CNTN1: variants seen among roughly 807,000 people sequenced by gnomAD.
CNTN1 encodes the protein contactin 1.
Under a neutral mutation model 126.4 loss-of-function variants are expected in CNTN1, and 38 were observed. The observed-to-expected ratio is 0.30, with a 90% CI of 0.23 to 0.39. CNTN1 has a LOEUF of 0.39. CNTN1 is among the 10% of genes least tolerant of loss of function. CNTN1 has a pLI of 1.00. For missense variants in CNTN1, 1,009 were observed against 1,248.4 expected (o/e 0.81, Z 2.89); for synonymous variants, 413 against 422.6 (o/e 0.98, Z 0.28).
intron 16 of CNTN1, among the ~76,000 whole-genome samples, chr12:40,981,406 C>T (rs753777440): frequency 5.3e-5 from 8 of 152,022 alleles, no homozygotes; most frequent in Non-Finnish European, 1.0e-4. Flanking sequence ...GCATTTATAG[C>T]ATAGTATTTA....
At chr12:40,925,226 A>G (rs1325922518) in intron 6 of CNTN1, among the ~76,000 whole-genome samples, 3 of 151,914 alleles carry the variant, frequency 2.0e-5, no homozygotes, top group Admixed American at 6.6e-5. Context: ...AAAAGCCACC[A>G]AAGTGCTAAT....
At chr12:40,956,119 G>T (rs1471172964) in intron 14 of CNTN1, among the ~76,000 whole-genome samples, 1 of 152,080 alleles carries the variant, frequency 6.6e-6, no homozygotes, top group Non-Finnish European at 1.5e-5. Context: ...TAGCTGAAAA[G>T]AAGTGAATAC....
At position 41,067,777 on chromosome 12, in the gene CNTN1, A is replaced by T. The variant is rs527404359; in HGVS notation, c.2981-2182A>T. Reference sequence around the variant, plus strand: ...AACTTAAAGTATAATAAAAAAAAAAAGGCTTCAGGATGGATCATTTACACT... The same window carrying T: ...AACTTAAAGTATAATAAAAAAAAAATGGCTTCAGGATGGATCATTTACACT... On this transcript the variant is annotated intron_variant, in intron 23 of 23. Coordinates refer to ENST00000551295, the MANE Select transcript of CNTN1 (RefSeq NM_001843.4). Among the ~76,000 whole-genome samples, 187 of 151,700 alleles carry T rather than the reference A, an allele frequency of 1.2e-3. 2 individuals are homozygous for T. In the East Asian group the frequency reaches 0.021, roughly 17 times the overall value.
At chr12:41,057,019 T>TATTTATAATATTTA (rs1357240332) in intron 23 of CNTN1, among the ~76,000 whole-genome samples, 1 of 63,430 alleles carries the variant, frequency 1.6e-5, no homozygotes, top group African/African-American at 1.1e-4. Flanking sequence ...TATTTATAAA[T>TATTTATAATATTTA]GATATTTATA....
intron 1 of CNTN1, among the ~76,000 whole-genome samples, chr12:40,796,170 C>G (rs1940418399): frequency 6.6e-6 from 1 of 151,966 alleles, no homozygotes; most frequent in Admixed American, 6.6e-5. Flanking sequence ...GGTTTCTAAG[C>G]ACAGGAGGCT....
At position 41,011,206 on chromosome 12, in the gene CNTN1, G is replaced by A. The variant is rs184332356; in HGVS notation, c.2114-3022G>A. 3.9e-3 allele frequency among the ~76,000 whole-genome samples: 595 copies of A among 152,220 alleles called. 5 individuals are homozygous for A. The highest frequency in any genetic ancestry group is 3.5e-3 in the Non-Finnish European group (235 of 68,012). On this transcript the variant is annotated intron_variant, in intron 17 of 23. Coordinates refer to ENST00000551295, the MANE Select transcript of CNTN1 (RefSeq NM_001843.4). Reference sequence around the variant, plus strand: ...AACTTGAGGTGACCCCAAATAACGGGGATTCTCAGATGGCTCCTCTGGAAG... The same window carrying A: ...AACTTGAGGTGACCCCAAATAACGGAGATTCTCAGATGGCTCCTCTGGAAG...
intron 1 of CNTN1, among the ~76,000 whole-genome samples, chr12:40,822,146 A>ATTTTTTTTTTTT (rs1315956279): frequency 2.4e-5 from 2 of 81,888 alleles, no homozygotes; most frequent in East Asian, 5.0e-4. Flanking sequence ...CAAAATATAA[A>ATTTTTTTTTTTT]TCTTTTTTTT....
rs1375608612 is a variant in CNTN1 at position 40,993,208 on chromosome 12, C to T, written c.2052C>T (p.Thr684=). Residue 684 remains threonine (T), a synonymous_variant, in exon 17 of 24, where the codon ACC becomes ACT. Coordinates refer to ENST00000551295, the MANE Select transcript of CNTN1 (RefSeq NM_001843.4). ...WMEYEFRVVA[T]NTLGRGEPSI... is the part of the protein sequence containing the mutation. The stretch of plus-strand genomic sequence containing the variant: ...AGTATGAATTCCGCGTGGTAGCAAC[C>T]AATACACTGGGTAGAGGAGAGCCCA... 3.1e-6 allele frequency: 5 copies of T among 1,613,594 alleles called. No homozygotes were observed. Among genetic ancestry groups the T allele is most frequent in the Non-Finnish European group, 4.2e-6 (5 of 1,179,722 alleles).
chr12:40,956,060 T>A (rs1320523061), intron 14 of CNTN1, among the ~76,000 whole-genome samples: 1 of 152,114 alleles, frequency 6.6e-6, no homozygotes, highest in Non-Finnish European at 1.5e-5. Context: ...GTTTAGTAAA[T>A]GCTGTCACTG....
chr12:40,798,827 T>C (rs771391641), intron 1 of CNTN1, among the ~76,000 whole-genome samples: 3 of 151,956 alleles, frequency 2.0e-5, no homozygotes, highest in African/African-American at 4.8e-5. Flanking sequence ...AAATAATCTG[T>C]ACAGCAAATC....
At chr12:40,827,778 G>A (rs750421406) in intron 1 of CNTN1, among the ~76,000 whole-genome samples, 20 of 151,860 alleles carry the variant, frequency 1.3e-4, no homozygotes, top group East Asian at 1.9e-4. Context: ...TAAACCAATC[G>A]TGGAGCTCCA....
chr12:40,777,631 A>G (rs986694422), intron 1 of CNTN1, among the ~76,000 whole-genome samples: 5 of 151,872 alleles, frequency 3.3e-5, no homozygotes, highest in Non-Finnish European at 5.9e-5. Flanking sequence ...ACTGCCATCT[A>G]TGGGAAAAAG....
chr12:40,766,830 C>A (rs1268082260), intron 1 of CNTN1, among the ~76,000 whole-genome samples: 1 of 152,134 alleles, frequency 6.6e-6, no homozygotes, highest in South Asian at 2.1e-4. Flanking sequence ...GTGACTGCCA[C>A]CTTTTAGATG....
At chr12:41,046,624 A>G (rs1438625812) in intron 23 of CNTN1, among the ~76,000 whole-genome samples, 3 of 152,080 alleles carry the variant, frequency 2.0e-5, no homozygotes. Context: ...TCAGAAATCC[A>G]CAGACCACTA....
chr12:40,793,756 C>A (rs774920426), intron 1 of CNTN1, among the ~76,000 whole-genome samples: 16 of 152,050 alleles, frequency 1.1e-4, no homozygotes, highest in Non-Finnish European at 2.4e-4. Flanking sequence ...CATTTTCTGA[C>A]CTTCTCCTTC....
At chr12:40,752,880 T>C (rs923094506) in intron 1 of CNTN1, among the ~76,000 whole-genome samples, 1 of 152,132 alleles carries the variant, frequency 6.6e-6, no homozygotes, top group Non-Finnish European at 1.5e-5. Context: ...AATGAGATTA[T>C]CTCATTCAAT....
intron 3 of CNTN1, among the ~76,000 whole-genome samples, chr12:40,914,061 T>C (rs1220872569): frequency 6.6e-6 from 1 of 152,184 alleles, no homozygotes; most frequent in African/African-American, 2.4e-5. Flanking sequence ...AAGGAATGTA[T>C]TAAAAAATAA....
chr12:40,888,173 TAAA>T (rs1210131562), intron 1 of CNTN1, among the ~76,000 whole-genome samples: 1 of 152,026 alleles, frequency 6.6e-6, no homozygotes, highest in African/African-American at 2.4e-5. Context: ...ATAATAATAA[TAAA>T]GAGTCTTTTA....
At chr12:40,805,365 T>C (rs1940810656) in intron 1 of CNTN1, among the ~76,000 whole-genome samples, 2 of 152,074 alleles carry the variant, frequency 1.3e-5, no homozygotes, top group Admixed American at 1.3e-4. Flanking sequence ...TCATTTTTCC[T>C]TTTATGTGTC....
Sources: allele counts gnomAD v4.1 joint callset (sites outside exome capture counted in the v4.1 genomes callset), GRCh38; gene constraint gnomAD v4.1.1; transcripts MANE v1.5; gene names NCBI Gene and HGNC (gene_info 2026-07-23, HGNC 2026-07-21).